The following BOC variants were observed in gnomAD, a reference collection of about 807,000 sequenced individuals.
The protein encoded by BOC is BOC cell adhesion associated, oncogene regulated, also known as brother of CDO.
BOC carries 76 observed loss-of-function variants against 112.0 expected under a neutral mutation model. That is an observed-to-expected ratio of 0.68 (90% CI 0.56 to 0.82). The LOEUF (loss-of-function observed/expected upper bound fraction) is 0.82. Ranked by LOEUF, BOC falls within the 40% of genes least tolerant of loss-of-function variation. The pLI is 0.00. For missense variants in BOC, 1,309 were observed against 1,511.7 expected, an observed-to-expected ratio of 0.87 and a Z score of 2.22; for synonymous variants, 580 against 599.8, an observed-to-expected ratio of 0.97 and a Z score of 0.48.
Position 113,250,772 on chromosome 3 carries a change from G to A in BOC, c.315G>A (p.Gln105=), listed in dbSNP as rs146963651. Residue 105 remains glutamine, a synonymous_variant, in exon 4 of 20, where the codon CAG becomes CAA. Coordinates refer to ENST00000682979, the MANE Select transcript of BOC (RefSeq NM_001378074.1). The part of the protein sequence containing the change: ...ALNNHTVGRY[Q]CVARMPAGAV... ...ACAACCACACTGTGGGACGGTACCA[G>A]TGTGTGGCCCGGATGCCTGCGGGGG... 1.9e-5 allele frequency: 30 copies of A among 1,614,064 alleles called. No individual in the cohort carries two copies. Among genetic ancestry groups the A allele is most frequent in the Non-Finnish European group, 2.5e-5 (29 of 1,180,048 alleles).
intron 17 of BOC, 28 bp from the exon 18 acceptor site, chr3:113,284,754 C>T (rs1176327299): frequency 1.9e-6 from 3 of 1,608,282 alleles, no homozygotes; most frequent in Non-Finnish European, 2.6e-6. Flanking sequence ...CCCGGCGTGG[C>T]CGTCTCATTA....
rs1949581235 is a variant in BOC at position 113,285,369 on chromosome 3, C to T, written c.2967-3C>T. The stretch of plus-strand genomic sequence containing the variant: ...CCTCCCCATCTGGGCTTGTGCACTG[C>T]AGGGGTCCCAAGTCTAGCCCGGACG... On this transcript the variant is annotated splice_region_variant and splice_polypyrimidine_tract_variant and intron_variant, in intron 18 of 19. Transcript: ENST00000682979. The T allele has an allele frequency of 2.5e-6, 4 of 1,612,484 alleles. No individual in the cohort carries two copies. Among genetic ancestry groups the T allele is most frequent in the Non-Finnish European group, 3.4e-6 (4 of 1,179,776 alleles).
At chr3:113,275,614 A>G (rs1434138835) in intron 9 of BOC, among the ~76,000 whole-genome samples, 1 of 152,238 alleles carries the variant, frequency 6.6e-6, no homozygotes, top group Non-Finnish European at 1.5e-5. Flanking sequence ...TGTATGTGAT[A>G]AAAGCATATA....
chr3:113,286,601 T>G, intron 19 of BOC, 74 bp from the exon 20 acceptor site: 1 of 1,256,346 alleles, frequency 8.0e-7, no homozygotes, highest in Non-Finnish European at 1.1e-6. Flanking sequence ...CAGATAGAGA[T>G]TGGCCCAGTG....
intron 2 of BOC, among the ~76,000 whole-genome samples, chr3:113,236,266 G>A (rs112776005): frequency 1.3e-3 from 70 of 52,564 alleles, no homozygotes; most frequent in South Asian, 2.3e-3. Flanking sequence ...GTGTGTGTGT[G>A]TATATATACC....
intron 4 of BOC, among the ~76,000 whole-genome samples, chr3:113,263,526 G>A (rs571880411): frequency 6.6e-6 from 1 of 152,330 alleles, no homozygotes; most frequent in South Asian, 2.1e-4. Flanking sequence ...TGCAGGAGAA[G>A]ATTGAATGAA....
intron 4 of BOC, among the ~76,000 whole-genome samples, chr3:113,264,092 C>G (rs1947190698): frequency 1.3e-5 from 2 of 152,106 alleles, no homozygotes; most frequent in Admixed American, 6.5e-5. Context: ...CTATATGGAG[C>G]CTAAAATATC....
At position 113,273,303 on chromosome 3, in the gene BOC, G is replaced by A; in HGVS notation, c.1196G>A (p.Ser399Asn). The A allele has an allele frequency of 1.2e-6, 2 of 1,601,106 alleles. No individual in the cohort carries two copies. Among genetic ancestry groups the A allele is most frequent in the Non-Finnish European group, 1.7e-6 (2 of 1,169,976 alleles). ...YQCMAENEVGSAHAVVQLRTS... is the reference protein window; with the variant it reads ...YQCMAENEVGNAHAVVQLRTS... The stretch of plus-strand genomic sequence containing the variant: ...TGCATGGCCGAGAACGAGGTTGGGA[G>A]CGCCCATGCCGTAGTCCAGCTGCGG... The change falls in exon 8 of 20, where the codon AGC becomes AAC. Residue 399 changes from serine to asparagine, a missense_variant. Transcript: ENST00000682979.
At chr3:113,280,458 C>T in intron 13 of BOC, 100 bp from the exon 14 acceptor site, 1 of 817,554 alleles carries the variant, frequency 1.2e-6, no homozygotes, top group Admixed American at 2.0e-5. Flanking sequence ...AAGTGAAATT[C>T]AAACTCTGGA....
Position 113,278,890 on chromosome 3 carries a change from A to G in BOC, c.1816+107A>G. The G allele has an allele frequency of 1.1e-6, 1 of 909,892 alleles. No homozygotes were observed. 56.4% of individuals were successfully genotyped at this position (909,892 alleles called of 1,614,324 possible). A position where few individuals can be genotyped will look rare whatever the true frequency, so the allele number is the denominator to read the frequency against. ...TTGCTTCTGTAGGTCCAGGGTTTTT[A>G]TGACATCTCCCAGTTAACCACAATG... On this transcript the variant is annotated intron_variant, in intron 11 of 19. Transcript: ENST00000682979. This position sits in a 1 kb window ranked among gnomAD's most constrained non-coding sequence, Gnocchi z 4.2.
chr3:113,250,806 A>G lies in BOC; in HGVS notation c.349A>G (p.Ser117Gly), dbSNP rs752830834. 3 of 1,613,518 alleles carry G rather than the reference A, an allele frequency of 1.9e-6. No homozygotes were observed. The African/African-American group carries it at 4.0e-5, about 22-fold the overall frequency. ...CCGGATGCCTGCGGGGGCTGTGGCCAGCGTGCCAGCCACTGTGACACTAGC... is the reference window on the plus strand; with the variant it reads ...CCGGATGCCTGCGGGGGCTGTGGCCGGCGTGCCAGCCACTGTGACACTAGC... ...VARMPAGAVASVPATVTLANL... is the reference protein window; with the variant it reads ...VARMPAGAVAGVPATVTLANL... Residue 117 changes from serine (S) to glycine (G), a missense_variant, in exon 4 of 20, where the codon AGC (serine) becomes GGC (glycine). Ser to Gly is a moderately conservative substitution (Grantham distance 56). Transcript: ENST00000682979.
At chr3:113,225,936 C>G (rs1299318576) in intron 2 of BOC, among the ~76,000 whole-genome samples, 2 of 152,180 alleles carry the variant, frequency 1.3e-5, no homozygotes, top group African/African-American at 4.8e-5. Flanking sequence ...TCAAATCCAG[C>G]CTTCACTTCT....
At chr3:113,266,588 A>G (rs1947501880) in intron 4 of BOC, among the ~76,000 whole-genome samples, 1 of 152,196 alleles carries the variant, frequency 6.6e-6, no homozygotes, top group Admixed American at 6.5e-5. Context: ...AGGCAGCATA[A>G]TGGGCATCTT....
chr3:113,233,631 G>A (rs1943012138), intron 2 of BOC, among the ~76,000 whole-genome samples: 1 of 152,166 alleles, frequency 6.6e-6, no homozygotes, highest in South Asian at 2.1e-4. Flanking sequence ...ACGGTCAGTT[G>A]AACCCTAAAC....
In BOC at chr3:113,273,078, A is replaced by C. The variant is rs1482131084; in HGVS notation, c.971A>C (p.Glu324Ala). 1 of 1,599,530 alleles carries C rather than the reference A, an allele frequency of 6.3e-7. No homozygotes were observed. The change falls in exon 8 of 20, where the codon GAG becomes GCG. Residue 324 changes from glutamate (E) to alanine (A), a missense_variant. Glu to Ala is a moderately radical substitution (Grantham distance 107). Coordinates refer to ENST00000682979, the MANE Select transcript of BOC (RefSeq NM_001378074.1). ...TCTGGTTTCCTGGCAGAACCCCCTG[A>C]GGTCACCATGGAGCTATCCCAGCTG... The part of the protein sequence containing the change: ...LYNVQVFEPP[E>A]VTMELSQLVI...
chr3:113,238,430 C>T (rs1943859118), intron 2 of BOC, among the ~76,000 whole-genome samples: 1 of 152,154 alleles, frequency 6.6e-6, no homozygotes, highest in South Asian at 2.1e-4. Context: ...ATAATTCCTC[C>T]ACATTTTTAA....
chr3:113,282,937 G>A (rs898324349), intron 15 of BOC, among the ~76,000 whole-genome samples: 1 of 152,118 alleles, frequency 6.6e-6, no homozygotes, highest in Admixed American at 6.5e-5. Context: ...GTGTGTCCTC[G>A]TGAGTCCGGG....
At position 113,278,949 on chromosome 3, in the gene BOC, G is replaced by C. The variant is rs1011382622; in HGVS notation, c.1816+166G>C. The C allele has an allele frequency of 1.0e-5, 7 of 686,626 alleles. No homozygotes were observed. Among genetic ancestry groups the C allele is most frequent in the Non-Finnish European group, 1.7e-5 (7 of 411,650 alleles). The allele number at this position is 686,626 out of a possible 1,614,324, so 42.5% of individuals were successfully genotyped here. On this transcript the variant is annotated intron_variant, in intron 11 of 19. Coordinates refer to ENST00000682979, the MANE Select transcript of BOC (RefSeq NM_001378074.1). The surrounding 1 kb of genome is among the most constrained non-coding windows in gnomAD (Gnocchi z 4.2). ...TAGTTTGGAGCTTTTTAAATAAAAG[G>C]CTGGCATTGATGCTGGGATTGCTCA...
intron 1 of BOC, chr3:113,212,734 A>ACGTGTGTGCGCGCG (rs1355181089): frequency 1.3e-5 from 2 of 152,326 alleles, no homozygotes; most frequent in East Asian, 3.9e-4. Flanking sequence ...GTGTGCGTGT[A>ACGTGTGTGCGCGCG]CGTGTGTGCG....
Sources: gnomAD v4.1 joint callset for allele counts (sites outside exome capture counted in the v4.1 genomes callset) on GRCh38, gnomAD v4.1.1 for gene constraint, Gnocchi (gnomAD v3.1) non-coding constraint, MANE v1.5 for transcripts, NCBI Gene and HGNC (gene_info 2026-07-23, HGNC 2026-07-21) for gene names.